The following CASTOR1 variants were observed in gnomAD, a reference collection of about 807,000 sequenced individuals.
CASTOR1 encodes the protein GATS protein like 3.
CASTOR1 carries 18 observed loss-of-function variants against 33.7 expected under a neutral mutation model. The observed-to-expected ratio is 0.53, with a 90% CI of 0.37 to 0.79. The LOEUF (loss-of-function observed/expected upper bound fraction) is 0.79, where lower values mean the gene tolerates loss of function less well. Ranked by LOEUF, CASTOR1 falls within the 30% of genes least tolerant of loss-of-function variation. The probability of loss-of-function intolerance (pLI) is 0.00; values close to 1 mark genes in which losing one functional copy is unlikely to be tolerated. For synonymous variants in CASTOR1, 175 were observed against 190.6 expected (o/e 0.92, Z 0.67); for missense variants, 362 against 446.3 (o/e 0.81, Z 1.70).
At position 30,287,517 on chromosome 22, in the gene CASTOR1, C is replaced by T; in HGVS notation, c.228G>A (p.Trp76Ter). Residue 76 changes from tryptophan (W) to a stop codon, truncating the protein, a stop_gained, in exon 3 of 9, where the codon TGG becomes TGA. Coordinates refer to ENST00000407689, the MANE Select transcript of CASTOR1 (RefSeq NM_001037666.3). LOFTEE classifies it high-confidence loss of function. ...TGTGAGACGACACGTTCAGCACCAG[C>T]CATGTGGCCTCAGCTACTTGCAGGA... Reference protein sequence around the residue: ...SEFLQVAEATWLVLNVSSHSG... With the variant: ...SEFLQVAEAT 6.2e-7 allele frequency: 1 copy of T among 1,613,360 alleles called. No homozygotes were observed. Among genetic ancestry groups the T allele is most frequent in the Non-Finnish European group, 8.5e-7 (1 of 1,179,982 alleles).
chr22:30,286,183 C>T, intron 6 of CASTOR1, 80 bp downstream of exon 6: 1 of 1,445,456 alleles, frequency 6.9e-7, no homozygotes, highest in South Asian at 1.2e-5. Flanking sequence ...ACCTGCTGAC[C>T]TCAGAGTCTG....
chr22:30,287,236 C>G lies in CASTOR1; in HGVS notation c.424G>C (p.Asp142His). 1.9e-6 allele frequency: 3 copies of G among 1,590,916 alleles called. No individual in the cohort carries two copies. Among genetic ancestry groups the G allele is most frequent in the Non-Finnish European group, 2.6e-6 (3 of 1,166,590 alleles). Residue 142 changes from aspartate (D) to histidine (H), a missense_variant, in exon 4 of 9, where the codon GAC becomes CAC. Asp to His is a moderately conservative substitution (Grantham distance 81). Coordinates refer to ENST00000407689, the MANE Select transcript of CASTOR1 (RefSeq NM_001037666.3). ...TCTCCGCCCACCTCGCGGTAAATGT[C>G]GAACTCCTGGGCCAGCGTGTGGATC... ...VVIHTLAQEF[D>H]IYREVGGEPV...
Position 30,285,683 on chromosome 22 carries a change from G to A in CASTOR1, c.927C>T (p.Pro309=), listed in dbSNP as rs776546629. The A allele has an allele frequency of 2.0e-5, 32 of 1,563,076 alleles. No homozygotes were observed. Among genetic ancestry groups the A allele is most frequent in the Non-Finnish European group, 2.4e-5 (28 of 1,153,792 alleles). ...CGATGACGCTGCCGATACCGTCCTC[G>A]GGCACCTGAGGGCAGGTGGGCAGGA... ...STFNFDHALV[P]EDGIGSVIEV... Residue 309 remains proline (P), a synonymous_variant, in exon 9 of 9, where the codon CCC becomes CCT. Transcript: ENST00000407689.
Position 30,285,630 on chromosome 22 carries a change from AG to A in CASTOR1, c.979del (p.Leu327TrpfsTer30). 1 of 1,565,376 alleles carries A rather than the reference AG, an allele frequency of 6.4e-7. No homozygotes were observed. Among genetic ancestry groups the A allele is most frequent in the Non-Finnish European group, 8.6e-7 (1 of 1,156,150 alleles). On this transcript the variant is annotated frameshift_variant, in exon 9 of 9. Transcript: ENST00000407689. LOFTEE classifies it high-confidence loss of function. ...IEVLQRRQEG[L>X]AS ...TGTTGCCCATGGGCCTCAGGAAGCC[AG>A]GCCTTCCTGCCGCCGCTGGAGGACC...
chr22:30,286,261 AC>A lies in CASTOR1; in HGVS notation c.743+1del. 6.2e-7 allele frequency: 1 copy of A among 1,608,832 alleles called. No individual in the cohort carries two copies. Among genetic ancestry groups the A allele is most frequent in the Non-Finnish European group, 8.5e-7 (1 of 1,175,486 alleles). ...GCCCACCCGGGGTCAGGGGTCACCTACTTTTTCTGTGTTTCAGCATCCATGA... is the reference window on the plus strand; with the variant it reads ...GCCCACCCGGGGTCAGGGGTCACCTATTTTTCTGTGTTTCAGCATCCATGA... On this transcript the variant is annotated splice_donor_variant, in intron 6 of 8. Transcript: ENST00000407689. LOFTEE classifies it high-confidence loss of function.
At position 30,285,588 on chromosome 22, in the gene CASTOR1, G is replaced by A. The variant is rs368691456; in HGVS notation, c.*32C>T. ...TCTTTGGAAGCCTGGGTCGAGGGGAGAGCAGGGAGGCTGCTCTGTTGCCCA... is the reference window on the plus strand; with the variant it reads ...TCTTTGGAAGCCTGGGTCGAGGGGAAAGCAGGGAGGCTGCTCTGTTGCCCA... On this transcript the variant is annotated 3_prime_UTR_variant, in exon 9 of 9. Coordinates refer to ENST00000407689, the MANE Select transcript of CASTOR1 (RefSeq NM_001037666.3). 4 of 1,507,000 alleles carry A rather than the reference G, an allele frequency of 2.7e-6. No individual in the cohort carries two copies. In the African/African-American group the frequency reaches 5.6e-5, roughly 21 times the overall value. 93.4% of individuals were successfully genotyped at this position (1,507,000 alleles called of 1,614,324 possible).
intron 2 of CASTOR1, among the ~76,000 whole-genome samples, chr22:30,288,219 A>G (rs1398832338): frequency 6.6e-6 from 1 of 152,222 alleles, no homozygotes. Context: ...TCACCCCAGC[A>G]CAGCCAGGAG....
At chr22:30,287,740 G>T in intron 2 of CASTOR1, 180 bp from the exon 3 acceptor site, 1 of 722,716 alleles carries the variant, frequency 1.4e-6, no homozygotes, top group Middle Eastern at 2.4e-4. Flanking sequence ...TGCTGGCCTG[G>T]TGGCATTGAA....
chr22:30,289,482 G>C lies in CASTOR1; in HGVS notation c.16C>G (p.Leu6Val). 1 of 1,591,012 alleles carries C rather than the reference G, an allele frequency of 6.3e-7. No homozygotes were observed. Among genetic ancestry groups the C allele is most frequent in the Non-Finnish European group, 8.5e-7 (1 of 1,173,414 alleles). The change falls in exon 1 of 9, where the codon CTA becomes GTA. Residue 6 changes from leucine (L) to valine (V), a missense_variant. By Grantham distance (32) the Leu-to-Val change is conservative. Coordinates refer to ENST00000407689, the MANE Select transcript of CASTOR1 (RefSeq NM_001037666.3). ...CTCAGCACCCGCACCCGGTGTTCTAGGATGTGCAGCTCCATCGCGGCTCGC... is the reference window on the plus strand; with the variant it reads ...CTCAGCACCCGCACCCGGTGTTCTACGATGTGCAGCTCCATCGCGGCTCGC... Reference protein sequence around the residue: MELHILEHRVRVLSVA... With the variant: MELHIVEHRVRVLSVA...
rs755706766 is a variant in CASTOR1 at position 30,288,823 on chromosome 22, G to A, written c.114-47C>T. On this transcript the variant is annotated intron_variant, in intron 1 of 8. Transcript: ENST00000407689. ...CTTCAGCTTGGTGTGGAGAACTAGG[G>A]GTCGGGAGTGGATTTCTCTCCATCT... 5.3e-6 allele frequency: 8 copies of A among 1,516,154 alleles called. No individual in the cohort carries two copies. The South Asian group carries it at 8.2e-5, about 16-fold the overall frequency. 93.9% of individuals were successfully genotyped at this position (1,516,154 alleles called of 1,614,324 possible). A position where few individuals can be genotyped will look rare whatever the true frequency, so the allele number is the denominator to read the frequency against.
In CASTOR1 at chr22:30,287,580, C is replaced by G. The variant is rs1298123912; in HGVS notation, c.185-20G>C. The stretch of plus-strand genomic sequence containing the variant: ...GCAGCTCTGTGGGCAGGGGACATGT[C>G]AGGTCAGGGTCTACAAGGCTGGCCC... On this transcript the variant is annotated intron_variant, in intron 2 of 8. Coordinates refer to ENST00000407689, the MANE Select transcript of CASTOR1 (RefSeq NM_001037666.3). 1.9e-6 allele frequency: 3 copies of G among 1,595,816 alleles called. No homozygotes were observed. The East Asian group carries it at 6.8e-5, about 36-fold the overall frequency.
At chr22:30,286,707 G>T in intron 5 of CASTOR1, 118 bp downstream of exon 5, 1 of 1,299,260 alleles carries the variant, frequency 7.7e-7, no homozygotes, top group Non-Finnish European at 1.1e-6. Context: ...ATCATGGGCT[G>T]CCAGGAACCC....
At position 30,287,744 on chromosome 22, in the gene CASTOR1, C is replaced by T. The variant is rs1316526267; in HGVS notation, c.185-184G>A. On this transcript the variant is annotated intron_variant, in intron 2 of 8. Transcript: ENST00000407689. ...AAGGCTTCAAGTGCTGGCCTGGTGG[C>T]ATTGAAACTTCCCACTTAAGATCAG... The T allele has an allele frequency of 4.2e-6, 3 of 713,130 alleles. No homozygotes were observed. The African/African-American group carries it at 5.2e-5, about 12-fold the overall frequency. 44.2% of individuals were successfully genotyped at this position (713,130 alleles called of 1,614,324 possible).
At position 30,287,485 on chromosome 22, in the gene CASTOR1, G is replaced by A. The variant is rs189381704; in HGVS notation, c.260C>T (p.Ala87Val). The A allele has an allele frequency of 5.7e-4, 915 of 1,613,358 alleles. No homozygotes were observed. Among genetic ancestry groups the A allele is most frequent in the Admixed American group, 1.3e-3 (76 of 60,024 alleles). ...GGTGACCCCAGCAGCCTGCACTGCCGCACCGCTGTGAGACGACACGTTCAG... is the reference window on the plus strand; with the variant it reads ...GGTGACCCCAGCAGCCTGCACTGCCACACCGCTGTGAGACGACACGTTCAG... ...LVLNVSSHSG[A>V]AVQAAGVTKI... The change falls in exon 3 of 9, where the codon GCG becomes GTG. Residue 87 changes from alanine (A) to valine (V), a missense_variant. By Grantham distance (64) the Ala-to-Val change is moderately conservative. Coordinates refer to ENST00000407689, the MANE Select transcript of CASTOR1 (RefSeq NM_001037666.3).
At chr22:30,289,303 G>A in intron 1 of CASTOR1, 82 bp downstream of exon 1, 1 of 1,058,816 alleles carries the variant, frequency 9.4e-7, no homozygotes, top group Non-Finnish European at 1.4e-6. Context: ...CTGCCTTACG[G>A]CGATCCTAAT....
rs574213079 is a variant in CASTOR1 at position 30,285,664 on chromosome 22, C to T, written c.946G>A (p.Val316Ile). Reference protein sequence around the residue: ...ALVPEDGIGSVIEVLQRRQEG... With the variant: ...ALVPEDGIGSIIEVLQRRQEG... ...TGCCGCCGCTGGAGGACCTCGATGA[C>T]GCTGCCGATACCGTCCTCGGGCACC... Residue 316 changes from valine (V) to isoleucine (I), a missense_variant, in exon 9 of 9, where the codon GTC becomes ATC. Transcript: ENST00000407689. The T allele has an allele frequency of 2.3e-5, 36 of 1,572,056 alleles. 1 individual carries two copies. In the South Asian group the frequency reaches 2.7e-4, roughly 12 times the overall value.
chr22:30,288,842 TC>T, intron 1 of CASTOR1, 66 bp from the exon 2 acceptor site: 1 of 1,389,642 alleles, frequency 7.2e-7, no homozygotes, highest in Non-Finnish European at 9.9e-7. Flanking sequence ...TGGATTTCTC[TC>T]CATCTGCCCC....
Position 30,285,418 on chromosome 22 carries a change from G to C in CASTOR1, c.*202C>G, listed in dbSNP as rs767384436. ...CATGGGCAGACACGCAGTCAGGCTA[G>C]CACCTGCCCACTCCACCTGTGAGTG... On this transcript the variant is annotated 3_prime_UTR_variant, in exon 9 of 9. Transcript: ENST00000407689. The C allele has an allele frequency of 9.5e-5, 51 of 537,364 alleles. No homozygotes were observed. Among genetic ancestry groups the C allele is most frequent in the Non-Finnish European group, 1.4e-4 (44 of 305,126 alleles). The allele number at this position is 537,364 out of a possible 1,614,324, so 33.3% of individuals were successfully genotyped here.
intron 1 of CASTOR1, 132 bp downstream of exon 1, chr22:30,289,253 G>A (rs1279668777): frequency 2.8e-6 from 2 of 704,222 alleles, no homozygotes; most frequent in African/African-American, 3.8e-5. Context: ...GCGGCCGGAC[G>A]GGGAGAGTCC....
Sources: allele counts gnomAD v4.1 joint callset (sites outside exome capture counted in the v4.1 genomes callset), GRCh38; gene constraint gnomAD v4.1.1; transcripts MANE v1.5; gene names NCBI Gene and HGNC (gene_info 2026-07-23, HGNC 2026-07-21).